Variants in CHRM5 observed in about 807,000 individuals in gnomAD.
CHRM5 encodes cholinergic receptor muscarinic 5.
CHRM5 carries 18 observed loss-of-function variants against 39.0 expected under a neutral mutation model. The ratio of observed to expected loss-of-function variants is 0.46; its 90% CI spans 0.32 to 0.68. The LOEUF (loss-of-function observed/expected upper bound fraction) is 0.68. Ranked by LOEUF, CHRM5 falls within the 30% of genes least tolerant of loss-of-function variation. The pLI, the probability that CHRM5 is intolerant of heterozygous loss-of-function variation, is 0.04. For synonymous variants in CHRM5, 241 were observed against 246.3 expected (o/e 0.98, Z 0.20); for missense variants, 515 against 651.1 (o/e 0.79, Z 2.28).
At chr15:33,972,824 G>C (rs1383518289) in intron 1 of CHRM5, among the ~76,000 whole-genome samples, 11 of 152,138 alleles carry the variant, frequency 7.2e-5, no homozygotes, top group Admixed American at 6.5e-5. Flanking sequence ...CCCTGATTCA[G>C]AGTATCAGTC....
At chr15:33,988,387 GTTGAAC>G (rs1310812182) in intron 1 of CHRM5, among the ~76,000 whole-genome samples, 1 of 152,142 alleles carries the variant, frequency 6.6e-6, no homozygotes, top group East Asian at 1.9e-4. Context: ...TGTACAAATT[GTTGAAC>G]TTTATTTCTA....
chr15:34,015,479 C>A (rs1272014077), intron 1 of CHRM5, among the ~76,000 whole-genome samples: 1 of 148,780 alleles, frequency 6.7e-6, no homozygotes, highest in Non-Finnish European at 1.5e-5. Context: ...GAGACTCCAT[C>A]TCAAAAAATA....
intron 1 of CHRM5, among the ~76,000 whole-genome samples, chr15:34,017,493 T>TG (rs1555516599): frequency 1.6e-4 from 16 of 97,646 alleles, no homozygotes; most frequent in Non-Finnish European, 4.2e-4. Flanking sequence ...TGTTTTTTTT[T>TG]TTTTTTTGAG....
intron 1 of CHRM5, among the ~76,000 whole-genome samples, chr15:33,987,764 G>C (rs1896540798): frequency 6.6e-6 from 1 of 152,170 alleles, no homozygotes; most frequent in African/African-American, 2.4e-5. Context: ...TCTGCTACAA[G>C]TTGGCAAACA....
intron 1 of CHRM5, among the ~76,000 whole-genome samples, chr15:34,021,474 G>A (rs974803879): frequency 6.6e-5 from 10 of 151,960 alleles, no homozygotes; most frequent in Admixed American, 2.0e-4. Context: ...TAGTATATAC[G>A]GGGTTTCTCC....
At chr15:33,983,691 G>T (rs915272797) in intron 1 of CHRM5, among the ~76,000 whole-genome samples, 1 of 152,094 alleles carries the variant, frequency 6.6e-6, no homozygotes, top group African/African-American at 2.4e-5. Flanking sequence ...TCTTGAGTGT[G>T]AGCAGGACTT....
Position 34,064,166 on chromosome 15 carries a change from G to A in CHRM5, c.1449G>A (p.Leu483=). 1.2e-6 allele frequency: 2 copies of A among 1,614,180 alleles called. No homozygotes were observed. The highest frequency in any genetic ancestry group is 1.7e-6 in the Non-Finnish European group (2 of 1,180,042). ...CCCTGTGGCACTTGGGCTATTGGTT[G>A]TGCTATGTCAATAGCACTGTCAACC... ...PVTLWHLGYW[L]CYVNSTVNPI... Residue 483 remains leucine, a synonymous_variant, in exon 3 of 3, where the codon TTG becomes TTA. Coordinates refer to ENST00000383263, the MANE Select transcript of CHRM5 (RefSeq NM_012125.4).
intron 1 of CHRM5, among the ~76,000 whole-genome samples, chr15:34,017,843 A>G (rs1402666541): frequency 6.6e-6 from 1 of 152,182 alleles, no homozygotes. Context: ...AATGCACCAC[A>G]TACCATTTTG....
chr15:33,995,239 G>C (rs1342333909), intron 1 of CHRM5, among the ~76,000 whole-genome samples: 2 of 152,056 alleles, frequency 1.3e-5, no homozygotes, highest in Admixed American at 1.3e-4. Context: ...ACTCCAGCCT[G>C]GGTGACAGAG....
chr15:33,984,264 A>G (rs576815030), intron 1 of CHRM5, among the ~76,000 whole-genome samples: 3 of 152,320 alleles, frequency 2.0e-5, no homozygotes, highest in Non-Finnish European at 4.4e-5. Flanking sequence ...AACTCTTCTG[A>G]AAAATCTAAA....
intron 1 of CHRM5, among the ~76,000 whole-genome samples, chr15:34,011,188 T>C (rs915607293): frequency 1.3e-5 from 2 of 151,640 alleles, no homozygotes; most frequent in African/African-American, 4.9e-5. Context: ...CAAGACTCTG[T>C]CTCAAAAAAA....
At position 34,064,506 on chromosome 15, in the gene CHRM5, A is replaced by T. The variant is rs1026320248; in HGVS notation, c.*190A>T. On this transcript the variant is annotated 3_prime_UTR_variant, in exon 3 of 3. Coordinates refer to ENST00000383263, the MANE Select transcript of CHRM5 (RefSeq NM_012125.4). ...AGCTGCAGCAATTGCTGACATATTA[A>T]ATGACTCTTGCCTATGACCAAGGCC... 8.8e-6 allele frequency: 6 copies of T among 684,620 alleles called. No homozygotes were observed. Among genetic ancestry groups the T allele is most frequent in the African/African-American group, 1.8e-5 (1 of 55,216 alleles). 42.4% of individuals were successfully genotyped at this position (684,620 alleles called of 1,614,324 possible).
intron 1 of CHRM5, among the ~76,000 whole-genome samples, chr15:34,038,202 A>G (rs187888369): frequency 6.2e-4 from 95 of 152,354 alleles, no homozygotes; most frequent in African/African-American, 2.2e-3. Flanking sequence ...GAACTACGCT[A>G]TTACAAAGAA....
At chr15:33,997,161 A>C (rs1209104091) in intron 1 of CHRM5, among the ~76,000 whole-genome samples, 2 of 152,242 alleles carry the variant, frequency 1.3e-5, no homozygotes, top group Admixed American at 6.5e-5. Flanking sequence ...CTAAAGGCAT[A>C]AAACAGCATA....
Position 34,049,431 on chromosome 15 carries a change from T to G in CHRM5, c.-76+2560T>G, listed in dbSNP as rs1305749284. On this transcript the variant is annotated intron_variant, in intron 2 of 2. Transcript: ENST00000383263. ...GCAATCACAAGTATCAAGAGCAGAATAGACCAGTGGAAAAAAGAATCGCAG... is the reference window on the plus strand; with the variant it reads ...GCAATCACAAGTATCAAGAGCAGAAGAGACCAGTGGAAAAAAGAATCGCAG... Among the ~76,000 whole-genome samples, 8 of 152,064 alleles carry G rather than the reference T, an allele frequency of 5.3e-5. No individual in the cohort carries two copies. In the South Asian group the frequency reaches 1.7e-3, roughly 32 times the overall value.
At position 34,007,019 on chromosome 15, in the gene CHRM5, T is replaced by C. The variant is rs1035599979; in HGVS notation, c.-408+37869T>C. On this transcript the variant is annotated intron_variant, in intron 1 of 2. Transcript: ENST00000383263. ...TATAAATATTGTTACAAAATTAGTC[T>C]GGTGGTTTTCACTGTAATAGTTCAT... 5.2e-6 allele frequency: 5 copies of C among 968,106 alleles called. No individual in the cohort carries two copies. In the Admixed American group the frequency reaches 3.1e-4, roughly 60 times the overall value. The allele number at this position is 968,106 out of a possible 1,614,324, so 60.0% of individuals were successfully genotyped here.
At chr15:34,047,405 G>C (rs2684949) in intron 2 of CHRM5, among the ~76,000 whole-genome samples, 150,704 of 152,300 alleles carry the variant, frequency 0.99, 74,585 homozygotes, top group Middle Eastern at 1. Context: ...ATACTCCAAC[G>C]CTGGGATCCC....
At chr15:33,992,388 T>C (rs11630419) in intron 1 of CHRM5, among the ~76,000 whole-genome samples, 15,730 of 133,462 alleles carry the variant, frequency 0.12, 1,125 homozygotes, top group Admixed American at 0.23. Flanking sequence ...GGACTCCGTC[T>C]CAAAAAAAAA....
At position 34,028,594 on chromosome 15, in the gene CHRM5, A is replaced by G. The variant is rs188108447; in HGVS notation, c.-407-17946A>G. Among the ~76,000 whole-genome samples the G allele has an allele frequency of 6.4e-4, 97 of 152,298 alleles. 1 individual carries two copies. Among genetic ancestry groups the G allele is most frequent in the Non-Finnish European group, 1.0e-3 (68 of 68,010 alleles). ...ACAAACAACAACAACAACAAAAAAG[A>G]AGACCCTGAATGAGAGAGGACAGCA... On this transcript the variant is annotated intron_variant, in intron 1 of 2. Coordinates refer to ENST00000383263, the MANE Select transcript of CHRM5 (RefSeq NM_012125.4).
Sources: allele counts gnomAD v4.1 joint callset (sites outside exome capture counted in the v4.1 genomes callset), GRCh38; gene constraint gnomAD v4.1.1; transcripts MANE v1.5; gene names NCBI Gene and HGNC (gene_info 2026-07-23, HGNC 2026-07-21).